Variants in ADCY5 observed in about 807,000 individuals in gnomAD.
ADCY5 encodes adenylate cyclase 5, also known as adenylate cyclase type 5.
A neutral mutation model predicts 119.7 loss-of-function variants in ADCY5; 30 were observed. That is an observed-to-expected ratio of 0.25 (90% CI 0.19 to 0.34). ADCY5 has a LOEUF of 0.34. Ranked by LOEUF, ADCY5 falls within the 10% of genes least tolerant of loss-of-function variation. The pLI is 1.00. For missense variants in ADCY5, 1,324 were observed against 1,775.2 expected (o/e 0.75, Z 4.57); for synonymous variants, 753 against 762.2 (o/e 0.99, Z 0.20).
At chr3:123,414,276 C>G (rs942733720) in intron 1 of ADCY5, among the ~76,000 whole-genome samples, 3 of 152,256 alleles carry the variant, frequency 2.0e-5, no homozygotes, top group Admixed American at 2.0e-4. Context: ...TCATCCCACA[C>G]CCACGCCCCA....
rs1024123901 is a variant in ADCY5, at chr3:123,331,151, G to A, written c.1519-135C>T. On this transcript the variant is annotated intron_variant, in intron 4 of 20. Transcript: ENST00000462833. ...AGGGCAGTGAGCGCAGGCCCACGCC[G>A]GAACTCGGCATGGTCCTGGGACAGG... 2.4e-5 allele frequency: 22 copies of A among 931,882 alleles called. 1 individual carries two copies. Among genetic ancestry groups the A allele is most frequent in the South Asian group, 2.3e-4 (14 of 60,388 alleles). The allele number at this position is 931,882 out of a possible 1,614,324, so 57.7% of individuals were successfully genotyped here. A position where few individuals can be genotyped will look rare whatever the true frequency, so the allele number is the denominator to read the frequency against.
intron 3 of ADCY5, among the ~76,000 whole-genome samples, chr3:123,341,287 T>C (rs562360223): frequency 7.2e-6 from 1 of 139,502 alleles, no homozygotes; most frequent in South Asian, 2.2e-4. Context: ...TGGAGTATTA[T>C]TCAGCCCTTA....
intron 1 of ADCY5, among the ~76,000 whole-genome samples, chr3:123,403,221 G>C (rs746318243): frequency 1.3e-5 from 2 of 151,880 alleles, no homozygotes; most frequent in Non-Finnish European, 2.9e-5. Flanking sequence ...CTCTACAAAA[G>C]ATACAAAAAC....
In ADCY5 at chr3:123,431,828, T is replaced by C. The variant is rs576955742; in HGVS notation, c.1134+15584A>G. ...TACTGAATCACCACAATAAACCCCTTAGATATAAACAACTTGCCTTTCAAT... is the reference window on the plus strand; with the variant it reads ...TACTGAATCACCACAATAAACCCCTCAGATATAAACAACTTGCCTTTCAAT... On this transcript the variant is annotated intron_variant, in intron 1 of 20. Transcript: ENST00000462833. 7.2e-5 allele frequency among the ~76,000 whole-genome samples: 11 copies of C among 152,316 alleles called. No homozygotes were observed. The South Asian group carries it at 2.3e-3, about 32-fold the overall frequency.
intron 1 of ADCY5, among the ~76,000 whole-genome samples, chr3:123,426,299 G>GTTTTTT (rs750760543): frequency 4.1e-5 from 4 of 97,992 alleles, no homozygotes; most frequent in African/African-American, 6.8e-5. Context: ...TTTCTTTTGT[G>GTTTTTT]TTTTTTTTTT....
Position 123,304,002 on chromosome 3 carries a change from C to T in ADCY5, c.2559+65G>A, listed in dbSNP as rs1037609542. ...CTCTCCTAGGCCTGCTTGTCGGGTACATGGCTCCACTGGGTTTGATCCAAT... is the reference window on the plus strand; with the variant it reads ...CTCTCCTAGGCCTGCTTGTCGGGTATATGGCTCCACTGGGTTTGATCCAAT... On this transcript the variant is annotated intron_variant, in intron 13 of 20. Coordinates refer to ENST00000462833, the MANE Select transcript of ADCY5 (RefSeq NM_183357.3). 53 of 1,147,132 alleles carry T rather than the reference C, an allele frequency of 4.6e-5. No individual in the cohort carries two copies. In the African/African-American group the frequency reaches 6.8e-4, roughly 15 times the overall value. The allele number at this position is 1,147,132 out of a possible 1,614,324, so 71.1% of individuals were successfully genotyped here.
chr3:123,366,565 G>A (rs1004112186), intron 1 of ADCY5, among the ~76,000 whole-genome samples: 4 of 152,208 alleles, frequency 2.6e-5, no homozygotes, highest in Non-Finnish European at 2.9e-5. Flanking sequence ...CAGGTATGAC[G>A]ACTGAGGTAT....
In ADCY5 at chr3:123,293,452, A is replaced by T. The variant is rs115890244; in HGVS notation, c.3064-2076T>A. Among the ~76,000 whole-genome samples, 411 of 152,200 alleles carry T rather than the reference A, an allele frequency of 2.7e-3. 4 individuals carry two copies. The highest frequency in any genetic ancestry group is 9.2e-3 in the African/African-American group (382 of 41,516). On this transcript the variant is annotated intron_variant, in intron 17 of 20. Coordinates refer to ENST00000462833, the MANE Select transcript of ADCY5 (RefSeq NM_183357.3). ...CAGGGGAAGGATGGGAAAATGAGGG[A>T]CCTGCTGGAAAACTTGAGGGAGAGA... is the stretch of plus-strand genomic sequence containing the variant.
At chr3:123,353,471 T>G (rs11711950) in intron 1 of ADCY5, among the ~76,000 whole-genome samples, 61,055 of 152,042 alleles carry the variant, frequency 0.4, 12,928 homozygotes, top group Admixed American at 0.49. Flanking sequence ...TGTCCTTGAC[T>G]TGGGGCCACA....
At chr3:123,317,932 G>T in intron 11 of ADCY5, 88 bp downstream of exon 11, 3 of 1,233,864 alleles carry the variant, frequency 2.4e-6, no homozygotes, top group South Asian at 1.2e-5. Context: ...CAGACTCCCT[G>T]CTCTGTTCTC....
At chr3:123,407,416 T>A (rs187051009) in intron 1 of ADCY5, among the ~76,000 whole-genome samples, 1 of 152,166 alleles carries the variant, frequency 6.6e-6, no homozygotes, top group African/African-American at 2.4e-5. Context: ...AAAACACGAA[T>A]AAAGTACTGA....
At chr3:123,337,902 G>C (rs530939041) in intron 3 of ADCY5, among the ~76,000 whole-genome samples, 123 of 152,292 alleles carry the variant, frequency 8.1e-4, no homozygotes, top group African/African-American at 2.9e-3. Context: ...ACTCCAAATT[G>C]TGAGCTCTTC....
chr3:123,348,559 G>A (rs1457923140), intron 2 of ADCY5, among the ~76,000 whole-genome samples: 2 of 152,162 alleles, frequency 1.3e-5, no homozygotes, highest in Non-Finnish European at 2.9e-5. Context: ...GGGGTGGGGA[G>A]GAGGTGCTCC....
intron 1 of ADCY5, chr3:123,416,312 G>A (rs1945184518): frequency 6.5e-7 from 1 of 1,535,854 alleles, no homozygotes; most frequent in Non-Finnish European, 8.7e-7. Context: ...AGGGGCTAAA[G>A]GCAATAACCT....
chr3:123,431,453 A>C (rs1349710160), intron 1 of ADCY5, among the ~76,000 whole-genome samples: 1 of 152,190 alleles, frequency 6.6e-6, no homozygotes, highest in African/African-American at 2.4e-5. Flanking sequence ...AAAAGAAAAA[A>C]AAAAATGAGA....
At chr3:123,327,811 A>G in intron 6 of ADCY5, 52 bp from the exon 7 acceptor site, 1 of 1,599,462 alleles carries the variant, frequency 6.3e-7, no homozygotes, top group Non-Finnish European at 8.5e-7. Flanking sequence ...CAAAGTCATA[A>G]TGTCAGCCCC....
At chr3:123,436,035 T>C (rs929558414) in intron 1 of ADCY5, among the ~76,000 whole-genome samples, 12 of 150,698 alleles carry the variant, frequency 8.0e-5, no homozygotes, top group Non-Finnish European at 1.3e-4. Context: ...GGACTACAGG[T>C]GCGTGCCACC....
chr3:123,431,388 T>C (rs563179619), intron 1 of ADCY5, among the ~76,000 whole-genome samples: 6 of 152,154 alleles, frequency 3.9e-5, no homozygotes, highest in South Asian at 2.1e-4. Context: ...TGCACTATGA[T>C]TGTGCCTGTG....
chr3:123,374,237 T>TG (rs1350133190), intron 1 of ADCY5, among the ~76,000 whole-genome samples: 1 of 151,920 alleles, frequency 6.6e-6, no homozygotes, highest in Non-Finnish European at 1.5e-5. Flanking sequence ...ACAGCACAGG[T>TG]GGGGCAGTGA....
Sources: gnomAD v4.1 joint callset for allele counts (sites outside exome capture counted in the v4.1 genomes callset) on GRCh38, gnomAD v4.1.1 for gene constraint, MANE v1.5 for transcripts, NCBI Gene and HGNC (gene_info 2026-07-23, HGNC 2026-07-21) for gene names.